CMYA5: variants seen among roughly 807,000 people sequenced by gnomAD.
CMYA5 encodes the protein cardiomyopathy-associated protein 5.
In CMYA5, 246 loss-of-function variants were observed where a neutral mutation model predicts 318.9. The observed-to-expected ratio is 0.77, with a 90% CI of 0.70 to 0.86. The LOEUF (loss-of-function observed/expected upper bound fraction) is 0.86. CMYA5 is among the 40% of genes least tolerant of loss of function. CMYA5 has a pLI of 0.00. For synonymous variants in CMYA5, 1,641 were observed against 1,729.5 expected (o/e 0.95, Z 1.27); for missense variants, 4,589 against 4,678.2 (o/e 0.98, Z 0.56).
intron 1 of CMYA5, among the ~76,000 whole-genome samples, chr5:79,707,909 A>C (rs1827305599): frequency 6.6e-6 from 1 of 152,174 alleles, no homozygotes. Flanking sequence ...CTGCAGATTC[A>C]GTGTCTGGTG....
rs1827992952 is a variant in CMYA5 at position 79,734,188 on chromosome 5, A to G, written c.5423A>G (p.Glu1808Gly). Residue 1808 changes from glutamate to glycine, a missense_variant, in exon 2 of 13, where the codon GAA (glutamate) becomes GGA (glycine). This residue lies in a region of CMYA5 where 2,132 missense variants were observed against 2,131.3 expected (regional missense o/e 1.00). Coordinates refer to ENST00000446378, the MANE Select transcript of CMYA5 (RefSeq NM_153610.5). ...TCCCAGGTACTCCAGAGTATAACAGAACCATCAAAGATTGCTCCTTCTGAC... is the reference window on the plus strand; with the variant it reads ...TCCCAGGTACTCCAGAGTATAACAGGACCATCAAAGATTGCTCCTTCTGAC... ...NSSQVLQSIT[E>G]PSKIAPSDLL... The G allele has an allele frequency of 6.2e-7, 1 of 1,613,750 alleles. No homozygotes were observed. The highest frequency in any genetic ancestry group is 1.3e-5 in the African/African-American group (1 of 74,918).
rs752321480 is a variant in CMYA5 at position 79,731,827 on chromosome 5, T to TA, written c.3062_3063insA (p.Glu1022Ter). On this transcript the variant is annotated frameshift_variant, in exon 2 of 13. Coordinates refer to ENST00000446378, the MANE Select transcript of CMYA5 (RefSeq NM_153610.5). LOFTEE classifies it high-confidence loss of function. ...ATCTCAGAAACAGAGAAAAATGAAC[T>TA]TGAGCCTGATTCACTATTAACTGCA... 3 of 1,612,988 alleles carry TA rather than the reference T, an allele frequency of 1.9e-6. No homozygotes were observed. The highest frequency in any genetic ancestry group is 1.7e-6 in the Non-Finnish European group (2 of 1,179,654).
intron 1 of CMYA5, among the ~76,000 whole-genome samples, chr5:79,727,967 C>G (rs990866820): frequency 1.3e-5 from 2 of 152,142 alleles, no homozygotes; most frequent in African/African-American, 4.8e-5. Flanking sequence ...ATCAGGAAGG[C>G]CTGACTACAG....
chr5:79,768,050 G>A (rs1285539350), intron 9 of CMYA5, among the ~76,000 whole-genome samples: 1 of 152,124 alleles, frequency 6.6e-6, no homozygotes, highest in East Asian at 1.9e-4. Context: ...TTGCCATTAT[G>A]TAACGGCCTT....
rs1213987839 is a variant in CMYA5 at position 79,731,962 on chromosome 5, C to G, written c.3197C>G (p.Ala1066Gly). 6.2e-7 allele frequency: 1 copy of G among 1,613,338 alleles called. No individual in the cohort carries two copies. Among genetic ancestry groups the G allele is most frequent in the African/African-American group, 1.3e-5 (1 of 74,880 alleles). ...EQFSSSQKQK[A>G]ETFPLMSPLE... ...TTCAGTTCATCACAGAAGCAAAAAG[C>G]TGAAACTTTCCCTTTGATGTCTCCG... The change falls in exon 2 of 13, where the codon GCT (alanine) becomes GGT (glycine). Residue 1066 changes from alanine to glycine, a missense_variant. Transcript: ENST00000446378.
Position 79,733,360 on chromosome 5 carries a change from G to A in CMYA5, c.4595G>A (p.Ser1532Asn), listed in dbSNP as rs770202156. Reference sequence around the variant, plus strand: ...GAGCCTGAACATGAGCTTCCACTCAGCCTATGGGGTGAGATAAAGAAGAAA... The same window carrying A: ...GAGCCTGAACATGAGCTTCCACTCAACCTATGGGGTGAGATAAAGAAGAAA... ...VLEPEHELPL[S>N]LWGEIKKKET... is the part of the protein sequence containing the mutation. Residue 1532 changes from serine to asparagine, a missense_variant, in exon 2 of 13, where the codon AGC becomes AAC. Coordinates refer to ENST00000446378, the MANE Select transcript of CMYA5 (RefSeq NM_153610.5). 3.1e-6 allele frequency: 5 copies of A among 1,613,510 alleles called. No individual in the cohort carries two copies. The South Asian group carries it at 4.4e-5, about 14-fold the overall frequency.
intron 5 of CMYA5, among the ~76,000 whole-genome samples, chr5:79,749,621 T>G (rs766105946): frequency 1.3e-5 from 2 of 152,186 alleles, no homozygotes; most frequent in Non-Finnish European, 2.9e-5. Context: ...TATGTAAATA[T>G]TAGTCTATTT....
intron 6 of CMYA5, 103 bp from the exon 7 acceptor site, chr5:79,758,650 T>C: frequency 1.2e-6 from 1 of 844,800 alleles, no homozygotes; most frequent in Non-Finnish European, 1.7e-6. Flanking sequence ...TTATACTATG[T>C]ATTTCTGTAT....
intron 1 of CMYA5, among the ~76,000 whole-genome samples, chr5:79,696,762 TAGGG>T (rs1827074459): frequency 6.6e-6 from 1 of 152,176 alleles, no homozygotes; most frequent in South Asian, 2.1e-4. Context: ...TCCCAGCACT[TAGGG>T]AGGCCGAGAC....
chr5:79,737,715 G>C lies in CMYA5; in HGVS notation c.8950G>C (p.Ala2984Pro). The C allele has an allele frequency of 1.2e-6, 2 of 1,611,834 alleles. No homozygotes were observed. The highest frequency in any genetic ancestry group is 1.7e-6 in the Non-Finnish European group (2 of 1,179,370). ...TAAATTAGAATATTTGGAAGAGAAA[G>C]CCTCATTTAAAACCATACCACTCCC... The part of the protein sequence containing the change: ...QDKLEYLEEK[A>P]SFKTIPLPDD... The change falls in exon 2 of 13, where the codon GCC (alanine) becomes CCC (proline). Residue 2984 changes from alanine to proline, a missense_variant. Transcript: ENST00000446378.
intron 9 of CMYA5, among the ~76,000 whole-genome samples, chr5:79,777,208 G>A (rs259116): frequency 0.047 from 7,166 of 152,006 alleles, 317 homozygotes; most frequent in East Asian, 0.26. Flanking sequence ...ATGTATTTAT[G>A]GTACAAATTA....
chr5:79,766,656 G>C (rs1387765118), intron 9 of CMYA5, among the ~76,000 whole-genome samples: 1 of 152,168 alleles, frequency 6.6e-6, no homozygotes, highest in East Asian at 1.9e-4. Context: ...GGATCAAGCT[G>C]ATTTGATTGT....
chr5:79,733,464 G>A lies in CMYA5; in HGVS notation c.4699G>A (p.Ala1567Thr). 1.2e-6 allele frequency: 2 copies of A among 1,613,920 alleles called. No individual in the cohort carries two copies. The highest frequency in any genetic ancestry group is 1.7e-6 in the Non-Finnish European group (2 of 1,179,844). The change falls in exon 2 of 13, where the codon GCA (alanine) becomes ACA (threonine). Residue 1567 changes from alanine (A) to threonine (T), a missense_variant. Physicochemically the swap from Ala to Thr is moderately conservative, Grantham distance 58. Around this residue, in one of 3 missense-constraint regions of CMYA5, gnomAD observed 2,132 missense variants for 2,131.3 expected, o/e 1.00. Coordinates refer to ENST00000446378, the MANE Select transcript of CMYA5 (RefSeq NM_153610.5). ...CCCAAAAGGCAAAGATGAGGAAACAGCAAGTTCATCTCCTGAGTTGGAAAA... is the reference window on the plus strand; with the variant it reads ...CCCAAAAGGCAAAGATGAGGAAACAACAAGTTCATCTCCTGAGTTGGAAAA... Reference protein sequence around the residue: ...IIPKGKDEETASSSPELENLA... With the variant: ...IIPKGKDEETTSSSPELENLA...
At position 79,763,195 on chromosome 5, in the gene CMYA5, G is replaced by A. The variant is rs1257060868; in HGVS notation, c.11541G>A (p.Glu3847=). ...TLEYCRQHSP[E]GEGLRSFSGI... ...AGTACTGCAGACAGCACTCTCCTGAGGGAGAGGGCCTCAGGTGAGGGGCCC... is the reference window on the plus strand; with the variant it reads ...AGTACTGCAGACAGCACTCTCCTGAAGGAGAGGGCCTCAGGTGAGGGGCCC... Residue 3847 remains glutamate (E), a synonymous_variant, in exon 9 of 13, where the codon GAG becomes GAA. Coordinates refer to ENST00000446378, the MANE Select transcript of CMYA5 (RefSeq NM_153610.5). The A allele has an allele frequency of 1.9e-6, 3 of 1,606,606 alleles. No homozygotes were observed. The highest frequency in any genetic ancestry group is 2.5e-6 in the Non-Finnish European group (3 of 1,177,332).
Position 79,735,752 on chromosome 5 carries a change from G to C in CMYA5, c.6987G>C (p.Met2329Ile). 1 of 1,581,472 alleles carries C rather than the reference G, an allele frequency of 6.3e-7. No homozygotes were observed. Among genetic ancestry groups the C allele is most frequent in the South Asian group, 1.2e-5 (1 of 83,526 alleles). Residue 2329 changes from methionine to isoleucine, a missense_variant, in exon 2 of 13, where the codon ATG (methionine) becomes ATC (isoleucine). This residue lies in a region of CMYA5 where 2,431 missense variants were observed against 2,495.1 expected (regional missense o/e 0.97). Transcript: ENST00000446378. Reference sequence around the variant, plus strand: ...CACTAATCGGTGAGAAATTGGTTATGGAAGAAGCCAAAACTATTGTTCCTC... The same window carrying C: ...CACTAATCGGTGAGAAATTGGTTATCGAAGAAGCCAAAACTATTGTTCCTC... Reference protein sequence around the residue: ...SYSLIGEKLVMEEAKTIVPPH... With the variant: ...SYSLIGEKLVIEEAKTIVPPH...
At chr5:79,769,371 G>A (rs1828814284) in intron 9 of CMYA5, among the ~76,000 whole-genome samples, 1 of 152,058 alleles carries the variant, frequency 6.6e-6, no homozygotes, top group Non-Finnish European at 1.5e-5. Context: ...TAAAGGAGAA[G>A]AGGTGTTCTG....
chr5:79,769,844 G>A (rs1828821748), intron 9 of CMYA5, among the ~76,000 whole-genome samples: 1 of 152,206 alleles, frequency 6.6e-6, no homozygotes, highest in Admixed American at 6.5e-5. Flanking sequence ...TGGGAGATCT[G>A]CTGCTCTCTT....
At position 79,701,090 on chromosome 5, in the gene CMYA5, CAA is replaced by C. The variant is rs1554097982; in HGVS notation, c.149+11051_149+11052del. On this transcript the variant is annotated intron_variant, in intron 1 of 12. Coordinates refer to ENST00000446378, the MANE Select transcript of CMYA5 (RefSeq NM_153610.5). ...TGAAACCCCATCTCTACTAAAAATA[CAA>C]AAAAAAAAAAAAAAAATTAGCCGAG... is the stretch of plus-strand genomic sequence containing the variant. 7.7e-4 allele frequency among the ~76,000 whole-genome samples: 88 copies of C among 114,890 alleles called. 1 individual carries two copies. The highest frequency in any genetic ancestry group is 1.8e-3 in the African/African-American group (59 of 32,326). 75.4% of individuals were successfully genotyped at this position (114,890 alleles called of 152,430 possible). A position where few individuals can be genotyped will look rare whatever the true frequency, so the allele number is the denominator to read the frequency against.
At chr5:79,722,393 T>G (rs1185984897) in intron 1 of CMYA5, among the ~76,000 whole-genome samples, 8 of 152,154 alleles carry the variant, frequency 5.3e-5, no homozygotes, top group Admixed American at 5.2e-4. Context: ...AGAATCTATC[T>G]TGGCTATGTG....
Sources: allele counts gnomAD v4.1 joint callset (sites outside exome capture counted in the v4.1 genomes callset), GRCh38; gene constraint gnomAD v4.1.1; regional missense constraint gnomAD v4.1.1; transcripts MANE v1.5; gene names NCBI Gene and HGNC (gene_info 2026-07-23, HGNC 2026-07-21).